Variants in EHBP1 observed in about 807,000 individuals in gnomAD.
EHBP1 encodes the protein EH domain-binding protein 1.
Under a neutral mutation model 144.0 loss-of-function variants are expected in EHBP1, and 55 were observed. The observed-to-expected ratio is 0.38, with a 90% CI of 0.31 to 0.48. EHBP1 has a LOEUF of 0.48. Ranked by LOEUF, EHBP1 falls within the 20% of genes least tolerant of loss-of-function variation. The probability of loss-of-function intolerance (pLI) is 0.98; values close to 1 mark genes in which losing one functional copy is unlikely to be tolerated. For missense variants in EHBP1, 1,200 were observed against 1,364.2 expected (o/e 0.88, Z 1.90); for synonymous variants, 469 against 472.7 (o/e 0.99, Z 0.10).
chr2:62,814,399 A>G (rs1158242864), intron 5 of EHBP1, among the ~76,000 whole-genome samples: 1 of 152,228 alleles, frequency 6.6e-6, no homozygotes, highest in African/African-American at 2.4e-5. Flanking sequence ...TGAGAAATAA[A>G]TTTCTTTTCT....
intron 10 of EHBP1, among the ~76,000 whole-genome samples, chr2:62,887,013 C>G (rs1357628541): frequency 2.6e-5 from 4 of 152,144 alleles, no homozygotes; most frequent in African/African-American, 9.7e-5. Flanking sequence ...TTATTTCTGT[C>G]TTTAAAAATA....
intron 10 of EHBP1, among the ~76,000 whole-genome samples, chr2:62,895,407 A>G (rs1281456523): frequency 1.3e-5 from 2 of 151,996 alleles, no homozygotes; most frequent in African/African-American, 4.8e-5. Context: ...TAACATTCCT[A>G]TCTTCTTTGC....
intron 8 of EHBP1, among the ~76,000 whole-genome samples, chr2:62,861,428 C>T (rs1176623648): frequency 6.6e-6 from 1 of 150,524 alleles, no homozygotes; most frequent in Non-Finnish European, 1.5e-5. Context: ...GCGCCCAGCC[C>T]TTGAGTGGCT....
chr2:62,820,737 A>ATTAT (rs1236966050), intron 5 of EHBP1, among the ~76,000 whole-genome samples: 2 of 54,644 alleles, frequency 3.7e-5, no homozygotes, highest in African/African-American at 1.5e-4. Context: ...GTGTGTGTAT[A>ATTAT]ATATATATAT....
At chr2:62,776,893 T>A (rs912909245) in intron 5 of EHBP1, among the ~76,000 whole-genome samples, 2 of 152,036 alleles carry the variant, frequency 1.3e-5, no homozygotes, top group African/African-American at 4.8e-5. Flanking sequence ...GGAAACAAAA[T>A]TTTTTTTCTC....
intron 2 of EHBP1, among the ~76,000 whole-genome samples, chr2:62,735,266 TC>T (rs1247256940): frequency 6.6e-6 from 1 of 151,626 alleles, no homozygotes; most frequent in Non-Finnish European, 1.5e-5. Context: ...CAGTTATACT[TC>T]CATTTTTTTT....
rs537758096 is a variant in EHBP1, at chr2:62,941,598, T to G, written c.1186-1120T>G. Among the ~76,000 whole-genome samples the G allele has an allele frequency of 2.6e-5, 4 of 152,244 alleles. No individual in the cohort carries two copies. The South Asian group carries it at 8.3e-4, about 32-fold the overall frequency. On this transcript the variant is annotated intron_variant, in intron 10 of 22. Transcript: ENST00000431489. ...CATAATTATGTGGGGTTGATGATTT[T>G]AATTGTTTGGTACTAACATGCTTTT...
intron 19 of EHBP1, among the ~76,000 whole-genome samples, chr2:63,002,184 A>G (rs2059876211): frequency 6.6e-6 from 1 of 152,184 alleles, no homozygotes; most frequent in African/African-American, 2.4e-5. Flanking sequence ...TATAACCTTC[A>G]GAGGGTAGTT....
chr2:62,753,445 T>C lies in EHBP1; in HGVS notation c.162+5993T>C, dbSNP rs185743193. 2.4e-3 allele frequency among the ~76,000 whole-genome samples: 359 copies of C among 152,280 alleles called. 1 individual carries two copies. Among genetic ancestry groups the C allele is most frequent in the African/African-American group, 8.0e-3 (333 of 41,574 alleles). On this transcript the variant is annotated intron_variant, in intron 3 of 22. Transcript: ENST00000431489. ...TGGCTGCCCTTAACATTTTTTCCTT[T>C]ATTTCAACTTTGGTGAGTCTGACAA...
At chr2:62,683,613 C>T (rs572494049) in intron 1 of EHBP1, among the ~76,000 whole-genome samples, 24 of 137,758 alleles carry the variant, frequency 1.7e-4, no homozygotes, top group Non-Finnish European at 2.3e-4. Flanking sequence ...GAGCTGAGAT[C>T]GCGCCACTGC....
In EHBP1 at chr2:62,948,885, G is replaced by T. The variant is rs1366779978; in HGVS notation, c.2039G>T (p.Cys680Phe). Residue 680 changes from cysteine (C) to phenylalanine (F), a missense_variant, in exon 13 of 23, where the codon TGT becomes TTT. Around this residue, in one of 6 missense-constraint regions of EHBP1, gnomAD observed 543 missense variants for 513.1 expected, o/e 1.06. Transcript: ENST00000431489. ...KKKDMSPPFI[C>F]EETDEQKLQT... The stretch of plus-strand genomic sequence containing the variant: ...AAGGATATGTCTCCACCCTTTATTT[G>T]TGAGGAGACAGATGAACAAAAGCTT... 6.2e-7 allele frequency: 1 copy of T among 1,613,964 alleles called. No homozygotes were observed. The highest frequency in any genetic ancestry group is 8.5e-7 in the Non-Finnish European group (1 of 1,179,964).
In EHBP1 at chr2:62,945,610, C is replaced by G. The variant is rs544594709; in HGVS notation, c.1413+1760C>G. ...ACAAAAAATGAAAATGTTAGCTCAG[C>G]ATGGTGGCATGCACCTGTAGTCCCA... On this transcript the variant is annotated intron_variant, in intron 12 of 22. Coordinates refer to ENST00000431489, the MANE Select transcript of EHBP1 (RefSeq NM_001142616.3). Among the ~76,000 whole-genome samples the G allele has an allele frequency of 1.2e-3, 188 of 152,206 alleles. 1 individual carries two copies. The highest frequency in any genetic ancestry group is 4.4e-3 in the African/African-American group (183 of 41,542).
chr2:62,838,155 G>A (rs1265643095), intron 7 of EHBP1, among the ~76,000 whole-genome samples: 2 of 151,718 alleles, frequency 1.3e-5, no homozygotes, highest in African/African-American at 4.8e-5. Flanking sequence ...AGACCACAGT[G>A]CAATCAAACT....
At chr2:62,775,249 A>G (rs2041978740) in intron 5 of EHBP1, among the ~76,000 whole-genome samples, 1 of 152,220 alleles carries the variant, frequency 6.6e-6, no homozygotes, top group African/African-American at 2.4e-5. Flanking sequence ...CTCCTAGGTT[A>G]TAGCTCCCCT....
chr2:63,027,085 G>A (rs1242486065), intron 19 of EHBP1, among the ~76,000 whole-genome samples: 2 of 152,216 alleles, frequency 1.3e-5, no homozygotes, highest in Admixed American at 6.5e-5. Context: ...GGGTGGCTAA[G>A]AGTGGTGGCT....
At position 62,949,158 on chromosome 2, in the gene EHBP1, T is replaced by C. The variant is rs1370023179; in HGVS notation, c.2312T>C (p.Val771Ala). 1.3e-6 allele frequency: 2 copies of C among 1,545,362 alleles called. No individual in the cohort carries two copies. The highest frequency in any genetic ancestry group is 2.2e-5 in the Admixed American group (1 of 45,440). ...CATGCAGATCATTCATCAAAAATAG[T>C]CCAGGTAAGTGAGTTAGAATGCTGA... The part of the protein sequence containing the change: ...LNHADHSSKI[V>A]QHRLLSRQEE... Residue 771 changes from valine to alanine, a missense_variant, in exon 13 of 23, where the codon GTC becomes GCC. This residue lies in a region of EHBP1 where 543 missense variants were observed against 513.1 expected (regional missense o/e 1.06). Transcript: ENST00000431489.
chr2:62,704,548 G>T (rs1380019936), upstream of EHBP1, among the ~76,000 whole-genome samples: 1 of 152,128 alleles, frequency 6.6e-6, no homozygotes, highest in Non-Finnish European at 1.5e-5. Flanking sequence ...CATCCCGCTT[G>T]CTTTCTTTTT....
intron 2 of EHBP1, among the ~76,000 whole-genome samples, chr2:62,736,673 T>C (rs1240149427): frequency 6.6e-6 from 1 of 152,242 alleles, no homozygotes. Context: ...CATTTTATTT[T>C]GTTTTATTTT....
intron 21 of EHBP1, chr2:63,043,984 T>C (rs1347551128): frequency 7.5e-6 from 1 of 133,916 alleles, no homozygotes; most frequent in Admixed American, 7.8e-5. Context: ...GCTGGTGTCC[T>C]GTTTCCCTCT....
Sources: allele counts gnomAD v4.1 joint callset (sites outside exome capture counted in the v4.1 genomes callset), GRCh38; gene constraint gnomAD v4.1.1; regional missense constraint gnomAD v4.1.1; transcripts MANE v1.5; gene names NCBI Gene and HGNC (gene_info 2026-07-23, HGNC 2026-07-21).